Variants in TFB1M observed in about 807,000 individuals in gnomAD.
The protein encoded by TFB1M is dimethyladenosine transferase 1, mitochondrial.
TFB1M carries 27 observed loss-of-function variants against 31.1 expected under a neutral mutation model. That is an observed-to-expected ratio of 0.87 (90% CI 0.64 to 1.20). The LOEUF (loss-of-function observed/expected upper bound fraction) is 1.20, where lower values mean the gene tolerates loss of function less well. Ranked by LOEUF, TFB1M falls within the 50% of genes most tolerant of loss-of-function variation. TFB1M has a pLI of 0.00. For synonymous variants in TFB1M, 166 were observed against 151.8 expected (o/e 1.09, Z -0.69); for missense variants, 394 against 418.7 (o/e 0.94, Z 0.51).
chr6:155,242,785 G>C, the TFB1M span, among the ~76,000 whole-genome samples: 1 of 152,074 alleles, frequency 6.6e-6, no homozygotes, highest in African/African-American at 2.4e-5. Flanking sequence ...ACCCAGGCTG[G>C]AGTGCAGTGG....
chr6:155,257,214 G>A lies in TFB1M; in HGVS notation c.*622C>T, dbSNP rs534597995. On this transcript the variant is annotated 3_prime_UTR_variant, in exon 7 of 7. Coordinates refer to ENST00000367166, the MANE Select transcript of TFB1M (RefSeq NM_016020.4). ...GCAAAAAAAAAAAAAAAAAAAAACT[G>A]TTCATTCCTGGGTTTTGTGCAGTAT... 8.6e-3 allele frequency: 8,745 copies of A among 1,020,242 alleles called. 85 individuals are homozygous for A. The highest frequency in any genetic ancestry group is 0.01 in the South Asian group (662 of 65,206). The allele number at this position is 1,020,242 out of a possible 1,614,324, so 63.2% of individuals were successfully genotyped here.
chr6:155,256,024 G>GGGAGGGGA (rs61168889), downstream of TFB1M: 1 of 195,962 alleles, frequency 5.1e-6, no homozygotes, highest in Non-Finnish European at 1.0e-5. Context: ...AAAAAAGGGG[G>GGGAGGGGA]GGGGAGGGGC....
chr6:155,290,999 C>T (rs914799968), intron 4 of TFB1M, among the ~76,000 whole-genome samples: 1 of 152,118 alleles, frequency 6.6e-6, no homozygotes, highest in Non-Finnish European at 1.5e-5. Context: ...CAATTGATTA[C>T]CCATTACTCA....
intron 2 of TFB1M, among the ~76,000 whole-genome samples, chr6:155,306,529 G>A (rs1045721091): frequency 6.6e-6 from 1 of 152,120 alleles, no homozygotes; most frequent in African/African-American, 2.4e-5. Flanking sequence ...AAAATGGAAT[G>A]CTATTCAGCA....
chr6:155,245,821 T>C, the TFB1M span: 1 of 887,312 alleles, frequency 1.1e-6, no homozygotes, highest in East Asian at 2.5e-5. Flanking sequence ...AAGTAGAGAG[T>C]AAGTACAATT....
chr6:155,285,129 T>C lies in TFB1M; in HGVS notation c.666+29A>G, dbSNP rs1211692311. 3.1e-6 allele frequency: 5 copies of C among 1,612,936 alleles called. No homozygotes were observed. In the African/African-American group the frequency reaches 5.3e-5, roughly 17 times the overall value. On this transcript the variant is annotated intron_variant, in intron 5 of 6. Coordinates refer to ENST00000367166, the MANE Select transcript of TFB1M (RefSeq NM_016020.4). Reference sequence around the variant, plus strand: ...AGGGGAACAAACGTCCTAATTCCGATATACTACAACAAATAAGCAGAAACT... The same window carrying C: ...AGGGGAACAAACGTCCTAATTCCGACATACTACAACAAATAAGCAGAAACT...
intron 5 of TFB1M, chr6:155,263,954 A>G (rs1010947896): frequency 2.0e-5 from 3 of 152,186 alleles, no homozygotes; most frequent in Non-Finnish European, 4.4e-5. Context: ...TGAAAAAAAA[A>G]AAAAAGACCA....
At chr6:155,282,891 C>A (rs1041433028) in intron 5 of TFB1M, among the ~76,000 whole-genome samples, 1 of 152,022 alleles carries the variant, frequency 6.6e-6, no homozygotes, top group African/African-American at 2.4e-5. Flanking sequence ...CCATGCCCGG[C>A]TAATTTTTTG....
chr6:155,276,437 TA>T (rs200044619), intron 5 of TFB1M: 648 of 1,423,776 alleles, frequency 4.6e-4, no homozygotes, highest in Middle Eastern at 5.4e-4. Flanking sequence ...ACTTTTAGAT[TA>T]AAAAAAAATC....
the TFB1M span, chr6:155,243,976 A>C: frequency 1.2e-6 from 2 of 1,601,828 alleles, no homozygotes; most frequent in Non-Finnish European, 8.6e-7. Flanking sequence ...TTGGAGACTA[A>C]AGCGTTGAAG....
chr6:155,250,429 C>G, the TFB1M span: 1 of 814,208 alleles, frequency 1.2e-6, no homozygotes, highest in East Asian at 2.7e-5. Flanking sequence ...GCTTCTCAAG[C>G]CAGCATGCAG....
rs192847567 is a variant in TFB1M at position 155,288,984 on chromosome 6, C to T, written c.547-3707G>A. Among the ~76,000 whole-genome samples the T allele has an allele frequency of 5.5e-4, 83 of 152,144 alleles. 1 individual carries two copies. The highest frequency in any genetic ancestry group is 7.8e-4 in the Non-Finnish European group (53 of 67,998). ...TAGTTAATTTTTCTTTAAAAGGAAA[C>T]CTCTAACCCTTGAGCTTTTAAAAAG... On this transcript the variant is annotated intron_variant, in intron 4 of 6. Coordinates refer to ENST00000367166, the MANE Select transcript of TFB1M (RefSeq NM_016020.4).
rs536395964 is a variant in TFB1M at position 155,284,040 on chromosome 6, T to C, written c.666+1118A>G. On this transcript the variant is annotated intron_variant, in intron 5 of 6. Coordinates refer to ENST00000367166, the MANE Select transcript of TFB1M (RefSeq NM_016020.4). ...AGATGCTGAAGGGAGGTGGCACCGA[T>C]AGCAAGCTCCCTGAGCTCGATTTAG... is the stretch of plus-strand genomic sequence containing the variant. Among the ~76,000 whole-genome samples the C allele has an allele frequency of 3.9e-5, 6 of 152,302 alleles. No homozygotes were observed. The South Asian group carries it at 1.0e-3, about 26-fold the overall frequency.
the TFB1M span, among the ~76,000 whole-genome samples, chr6:155,236,898 C>T: frequency 2.0e-5 from 3 of 152,174 alleles, no homozygotes. Context: ...GGTGGGGACA[C>T]AGAGCCAAAC....
chr6:155,268,946 T>TAAAAAAA (rs1204779447), intron 5 of TFB1M, among the ~76,000 whole-genome samples: 4 of 46,300 alleles, frequency 8.6e-5, no homozygotes, highest in African/African-American at 1.6e-4. Context: ...AATGATCAAT[T>TAAAAAAA]AAAAAAAAAA....
the TFB1M span, chr6:155,244,836 TTTCTCTCATGAGAA>T: frequency 1.7e-4 from 255 of 1,542,476 alleles, 1 homozygote; most frequent in East Asian, 1.9e-3. Context: ...ATGGTACGTA[TTTCTCTCATGAGAA>T]TTCTCTCATG....
At chr6:155,311,094 A>C (rs1182561230) in intron 2 of TFB1M, 94 bp downstream of exon 2, 2 of 1,404,000 alleles carry the variant, frequency 1.4e-6, no homozygotes, top group African/African-American at 2.8e-5. Flanking sequence ...GGAAAAACCT[A>C]CATAATCTTT....
At chr6:155,275,163 T>C (rs1295613095) in intron 5 of TFB1M, among the ~76,000 whole-genome samples, 2 of 151,922 alleles carry the variant, frequency 1.3e-5, no homozygotes, top group Non-Finnish European at 2.9e-5. Flanking sequence ...GAGGTGGAGC[T>C]TGCAGTGAGC....
At chr6:155,303,874 T>C (rs1283198635) in intron 2 of TFB1M, among the ~76,000 whole-genome samples, 1 of 152,162 alleles carries the variant, frequency 6.6e-6, no homozygotes, top group Non-Finnish European at 1.5e-5. Context: ...ATGAGAAAGT[T>C]GAAGCTAAAA....
Sources: allele counts gnomAD v4.1 joint callset (sites outside exome capture counted in the v4.1 genomes callset), GRCh38; gene constraint gnomAD v4.1.1; transcripts MANE v1.5; gene names NCBI Gene and HGNC (gene_info 2026-07-23, HGNC 2026-07-21).